Variants in ABTB2 observed in about 807,000 individuals in gnomAD.
ABTB2 encodes ankyrin repeat and BTB/POZ domain-containing protein 2.
In ABTB2, 56 loss-of-function variants were observed where a neutral mutation model predicts 104.1. The observed-to-expected ratio is 0.54, with a 90% CI of 0.43 to 0.67. ABTB2 has a LOEUF of 0.67. Among genes scored for constraint, ABTB2 ranks in the 30% least tolerant of loss-of-function variants. ABTB2 has a pLI of 0.00. For missense variants in ABTB2, 1,279 were observed against 1,407.7 expected (o/e 0.91, Z 1.46); for synonymous variants, 606 against 608.2 (o/e 1.00, Z 0.05).
At chr11:34,347,963 C>T (rs1855353626) in intron 1 of ABTB2, among the ~76,000 whole-genome samples, 1 of 152,202 alleles carries the variant, frequency 6.6e-6, no homozygotes, top group East Asian at 1.9e-4. Flanking sequence ...TGGCAAGAGT[C>T]GATCCAATGG....
At chr11:34,217,580 G>T (rs891846299) in intron 1 of ABTB2, among the ~76,000 whole-genome samples, 2 of 152,110 alleles carry the variant, frequency 1.3e-5, no homozygotes, top group African/African-American at 4.8e-5. Flanking sequence ...TCCTGCCTCA[G>T]CCTCCCGAGT....
At chr11:34,189,449 A>C (rs540361102) in intron 3 of ABTB2, among the ~76,000 whole-genome samples, 1 of 152,236 alleles carries the variant, frequency 6.6e-6, no homozygotes, top group South Asian at 2.1e-4. Context: ...AAAAATAAAA[A>C]AATTAGCCAG....
In ABTB2 at chr11:34,152,318, A is replaced by T. The variant is rs1315390371; in HGVS notation, c.*69T>A. 1.3e-6 allele frequency: 2 copies of T among 1,497,308 alleles called. No individual in the cohort carries two copies. The highest frequency in any genetic ancestry group is 1.8e-6 in the Non-Finnish European group (2 of 1,117,928). 92.8% of individuals were successfully genotyped at this position (1,497,308 alleles called of 1,614,324 possible). A position where few individuals can be genotyped will look rare whatever the true frequency, so the allele number is the denominator to read the frequency against. ...GAACCTGGCTCCAAGAGGGCCTACA[A>T]CCATACCCCGACATGGTGGGCCCTG... On this transcript the variant is annotated 3_prime_UTR_variant, in exon 17 of 17. Transcript: ENST00000435224.
intron 1 of ABTB2, among the ~76,000 whole-genome samples, chr11:34,253,825 T>C (rs1854086166): frequency 1.3e-5 from 2 of 152,228 alleles, no homozygotes; most frequent in South Asian, 4.2e-4. Flanking sequence ...AACTCTTCAT[T>C]CTCCCAAGGA....
chr11:34,184,798 C>A (rs1853075964), intron 3 of ABTB2, among the ~76,000 whole-genome samples: 1 of 152,274 alleles, frequency 6.6e-6, no homozygotes. Context: ...GGCCACGCCC[C>A]ACCCATGGGG....
intron 1 of ABTB2, among the ~76,000 whole-genome samples, chr11:34,230,645 C>T (rs775691827): frequency 3.9e-5 from 6 of 151,988 alleles, no homozygotes; most frequent in African/African-American, 7.3e-5. Context: ...TTTATAATAC[C>T]CTCCCACCAG....
intron 3 of ABTB2, among the ~76,000 whole-genome samples, chr11:34,181,841 G>A (rs910858467): frequency 1.3e-5 from 2 of 152,208 alleles, no homozygotes; most frequent in African/African-American, 4.8e-5. Flanking sequence ...GGGAGAGGAT[G>A]GCCCCAGTGG....
intron 1 of ABTB2, among the ~76,000 whole-genome samples, chr11:34,318,830 A>C (rs1322691078): frequency 6.6e-6 from 1 of 152,216 alleles, no homozygotes; most frequent in Non-Finnish European, 1.5e-5. Context: ...TGGGCAGCTT[A>C]ACCACTAGTC....
In ABTB2 at chr11:34,207,819, G is replaced by A. The variant is rs369171456; in HGVS notation, c.884-3129C>T. 5.9e-4 allele frequency among the ~76,000 whole-genome samples: 90 copies of A among 152,360 alleles called. 1 individual carries two copies. In the South Asian group the frequency reaches 0.018, roughly 31 times the overall value. ...CCCACCTTGTCCTTTCTCGAGCTAG[G>A]CAGCGCCTAGGATATTGGAGAGGAA... On this transcript the variant is annotated intron_variant, in intron 1 of 16. Coordinates refer to ENST00000435224, the MANE Select transcript of ABTB2 (RefSeq NM_145804.3).
At position 34,357,726 on chromosome 11, in the gene ABTB2, CCTGCCCGGAGG is replaced by C; in HGVS notation, c.-154_-144del. 1.0e-6 allele frequency: 1 copy of C among 982,394 alleles called. No homozygotes were observed. Among genetic ancestry groups the C allele is most frequent in the Non-Finnish European group, 1.4e-6 (1 of 722,662 alleles). The allele number at this position is 982,394 out of a possible 1,614,324, so 60.9% of individuals were successfully genotyped here. On this transcript the variant is annotated 5_prime_UTR_variant, in exon 1 of 17. Transcript: ENST00000435224. ...GTCGCGGGGCTCGGCGGCCGCATTG[CCTGCCCGGAGG>C]CCGCGGGAAGGTGGCCGAGATCCGT...
At chr11:34,225,715 A>G (rs1023328907) in intron 1 of ABTB2, among the ~76,000 whole-genome samples, 1 of 152,172 alleles carries the variant, frequency 6.6e-6, no homozygotes, top group Non-Finnish European at 1.5e-5. Flanking sequence ...AGATCGCGCC[A>G]TTGCACTCTA....
chr11:34,261,477 G>T (rs1425768785), intron 1 of ABTB2, among the ~76,000 whole-genome samples: 1 of 147,998 alleles, frequency 6.8e-6, no homozygotes, highest in East Asian at 1.9e-4. Flanking sequence ...TACTCCAATT[G>T]CATTATATAA....
At chr11:34,232,404 C>T (rs2955951) in intron 1 of ABTB2, among the ~76,000 whole-genome samples, 103,632 of 149,626 alleles carry the variant, frequency 0.69, 35,991 homozygotes, top group Middle Eastern at 0.8. Flanking sequence ...GAGCTGAGAT[C>T]GCGCCACTGC....
chr11:34,272,302 C>CAAAAAAAAAAAAAAAAA (rs60997940), intron 1 of ABTB2, among the ~76,000 whole-genome samples: 1 of 80,780 alleles, frequency 1.2e-5, no homozygotes, highest in African/African-American at 3.8e-5. Flanking sequence ...CAGGAAGCTG[C>CAAAAAAAAAAAAAAAAA]AAAAAAAAAA....
intron 14 of ABTB2, among the ~76,000 whole-genome samples, chr11:34,158,419 C>T (rs1295567104): frequency 6.6e-6 from 1 of 151,462 alleles, no homozygotes; most frequent in African/African-American, 2.4e-5. Context: ...TCAAAAAAAA[C>T]AAAAAAAAGC....
chr11:34,347,959 G>T (rs1855353501), intron 1 of ABTB2, among the ~76,000 whole-genome samples: 1 of 152,176 alleles, frequency 6.6e-6, no homozygotes, highest in African/African-American at 2.4e-5. Context: ...GCTTTGGCAA[G>T]AGTCGATCCA....
intron 1 of ABTB2, among the ~76,000 whole-genome samples, chr11:34,286,143 CA>C (rs1203328069): frequency 1.6e-3 from 220 of 140,336 alleles, no homozygotes; most frequent in African/African-American, 2.1e-3. Context: ...GACCCTGTCT[CA>C]AAAAAAAAAA....
chr11:34,235,144 A>T (rs1476509258), intron 1 of ABTB2, among the ~76,000 whole-genome samples: 1 of 152,188 alleles, frequency 6.6e-6, no homozygotes, highest in Non-Finnish European at 1.5e-5. Context: ...TACAGGCGTG[A>T]GCCACCGTGC....
At chr11:34,326,687 CA>C (rs1855074814) in intron 1 of ABTB2, among the ~76,000 whole-genome samples, 2 of 150,764 alleles carry the variant, frequency 1.3e-5, no homozygotes, top group Admixed American at 6.6e-5. Flanking sequence ...AGGGAGTAGC[CA>C]AAAACAGAAC....
Sources: allele counts gnomAD v4.1 joint callset (sites outside exome capture counted in the v4.1 genomes callset), GRCh38; gene constraint gnomAD v4.1.1; transcripts MANE v1.5; gene names NCBI Gene and HGNC (gene_info 2026-07-23, HGNC 2026-07-21).